PUM2: variants seen among roughly 807,000 people sequenced by gnomAD.
PUM2 encodes the protein pumilio RNA binding family member 2.
In PUM2, 57 loss-of-function variants were observed where a neutral mutation model predicts 124.5. The ratio of observed to expected loss-of-function variants is 0.46; its 90% CI spans 0.37 to 0.57. The LOEUF is 0.57. Among genes scored for constraint, PUM2 ranks in the 20% least tolerant of loss-of-function variants. PUM2 has a pLI of 0.00. For synonymous variants in PUM2, 460 were observed against 446.1 expected, an observed-to-expected ratio of 1.03 and a Z score of -0.39; for missense variants, 1,065 against 1,290.6, an observed-to-expected ratio of 0.83 and a Z score of 2.68.
intron 13 of PUM2, among the ~76,000 whole-genome samples, chr2:20,277,537 TA>T (rs1670536490): frequency 6.6e-6 from 1 of 152,108 alleles, no homozygotes; most frequent in African/African-American, 2.4e-5. Context: ...GTGTGTGCAA[TA>T]ATGTAAATCA....
chr2:20,272,195 A>G (rs202168978), intron 13 of PUM2, among the ~76,000 whole-genome samples: 19 of 126,654 alleles, frequency 1.5e-4, no homozygotes, highest in East Asian at 6.2e-4. Flanking sequence ...ATGAATAAAT[A>G]AATAAATAAA....
intron 2 of PUM2, 23 bp downstream of exon 2, chr2:20,327,287 T>C (rs769766686): frequency 6.1e-6 from 9 of 1,472,778 alleles, no homozygotes; most frequent in African/African-American, 1.4e-5. Flanking sequence ...AGGTGTAAGT[T>C]CTTAGTATTT....
chr2:20,311,420 A>T, intron 5 of PUM2, 74 bp downstream of exon 5: 1 of 1,404,622 alleles, frequency 7.1e-7, no homozygotes, highest in Non-Finnish European at 9.6e-7. Flanking sequence ...AAAATGTCTA[A>T]ATCAGTCACA....
Position 20,268,339 on chromosome 2 carries a change from C to T in PUM2, c.1958-4879G>A, listed in dbSNP as rs368485892. On this transcript the variant is annotated intron_variant, in intron 13 of 20. Transcript: ENST00000361078. Reference sequence around the variant, plus strand: ...AAAATCAAAGTAAGTATGCCCCATGCGGTGGCTCAGGCCTGTAATCCCAGC... The same window carrying T: ...AAAATCAAAGTAAGTATGCCCCATGTGGTGGCTCAGGCCTGTAATCCCAGC... Among the ~76,000 whole-genome samples the T allele has an allele frequency of 4.9e-4, 75 of 152,212 alleles. No homozygotes were observed. The South Asian group carries it at 1.0e-2, about 20-fold the overall frequency.
At position 20,250,593 on chromosome 2, in the gene PUM2, AAG is replaced by A. The variant is rs1230370003; in HGVS notation, c.*990_*991del. ...AATGCATATATTTATAGAAAGCAAA[AAG>A]AGCTATCTGAATATGTAATCATGCT... On this transcript the variant is annotated 3_prime_UTR_variant, in exon 21 of 21. Transcript: ENST00000361078. The A allele has an allele frequency of 6.6e-6, 1 of 152,196 alleles. No individual in the cohort carries two copies. Among genetic ancestry groups the A allele is most frequent in the Admixed American group, 6.5e-5 (1 of 15,286 alleles). 9.4% of individuals were successfully genotyped at this position (152,196 alleles called of 1,614,324 possible).
intron 15 of PUM2, among the ~76,000 whole-genome samples, chr2:20,259,283 G>A (rs1665604462): frequency 6.6e-6 from 1 of 151,962 alleles, no homozygotes; most frequent in East Asian, 1.9e-4. Flanking sequence ...AATTTTTTTT[G>A]TGACAAACTG....
chr2:20,265,992 A>G lies in PUM2; in HGVS notation c.1958-2532T>C, dbSNP rs565809585. 3.3e-5 allele frequency among the ~76,000 whole-genome samples: 5 copies of G among 152,320 alleles called. No individual in the cohort carries two copies. In the East Asian group the frequency reaches 7.7e-4, roughly 23 times the overall value. On this transcript the variant is annotated intron_variant, in intron 13 of 20. Coordinates refer to ENST00000361078, the MANE Select transcript of PUM2 (RefSeq NM_015317.5). The stretch of plus-strand genomic sequence containing the variant: ...CCAATAAGCAACAGGAATTTCTCCC[A>G]TATCTAGGTATTCTTTTATTGATAT...
intron 13 of PUM2, among the ~76,000 whole-genome samples, chr2:20,265,077 A>G (rs953600779): frequency 1.3e-5 from 2 of 151,696 alleles, no homozygotes; most frequent in African/African-American, 4.8e-5. Flanking sequence ...GTGAAATCCC[A>G]CCTCTACTAA....
intron 2 of PUM2, among the ~76,000 whole-genome samples, chr2:20,325,517 T>C (rs1300296621): frequency 6.6e-6 from 1 of 152,138 alleles, no homozygotes; most frequent in Non-Finnish European, 1.5e-5. Context: ...TATTAAATAT[T>C]ATTTAGAAAG....
intron 2 of PUM2, among the ~76,000 whole-genome samples, chr2:20,320,194 G>A (rs1487167293): frequency 1.3e-5 from 2 of 152,090 alleles, no homozygotes; most frequent in Non-Finnish European, 2.9e-5. Context: ...GAACCCAGGA[G>A]GTGGAGGTTG....
At chr2:20,336,085 CT>C (rs959813478) in intron 1 of PUM2, among the ~76,000 whole-genome samples, 1 of 152,202 alleles carries the variant, frequency 6.6e-6, no homozygotes, top group Admixed American at 6.5e-5. Flanking sequence ...GGTTTTGATG[CT>C]TTAGGTATTG....
intron 3 of PUM2, among the ~76,000 whole-genome samples, chr2:20,315,693 G>A (rs1680718792): frequency 6.6e-6 from 1 of 151,892 alleles, no homozygotes; most frequent in South Asian, 2.1e-4. Context: ...GGGCATAGTG[G>A]CGCATACTTT....
chr2:20,318,105 T>C (rs1052206099), intron 3 of PUM2, among the ~76,000 whole-genome samples: 1 of 152,234 alleles, frequency 6.6e-6, no homozygotes, highest in Non-Finnish European at 1.5e-5. Flanking sequence ...CTCTGAGGAA[T>C]TGACACAATG....
At chr2:20,324,049 G>C (rs1439999347) in intron 2 of PUM2, among the ~76,000 whole-genome samples, 1 of 151,796 alleles carries the variant, frequency 6.6e-6, no homozygotes, top group Non-Finnish European at 1.5e-5. Context: ...TTAAGATAGA[G>C]ATTATCTAGA....
chr2:20,302,830 A>G (rs1455434205), intron 7 of PUM2, among the ~76,000 whole-genome samples: 2 of 152,248 alleles, frequency 1.3e-5, no homozygotes, highest in Non-Finnish European at 2.9e-5. Context: ...AGAAATGCAG[A>G]AACTCTCTAA....
Position 20,256,172 on chromosome 2 carries a change from T to C in PUM2, c.2485-2A>G. ...ATCCAGCTCCTTTACCATTTCACTC[T>C]GCAAAAGACAGGATGTCATTTAAAT... On this transcript the variant is annotated splice_acceptor_variant, in intron 16 of 20. Coordinates refer to ENST00000361078, the MANE Select transcript of PUM2 (RefSeq NM_015317.5). LOFTEE classifies it high-confidence loss of function. 1.3e-6 allele frequency: 2 copies of C among 1,583,802 alleles called. No homozygotes were observed. Among genetic ancestry groups the C allele is most frequent in the Non-Finnish European group, 1.7e-6 (2 of 1,170,190 alleles).
rs1024341701 is a variant in PUM2, at chr2:20,318,112, A to G, written c.160+425T>C. Reference sequence around the variant, plus strand: ...TTTTACTTCTCTGAGGAATTGACACAATGCTTTCCACAATGGCTGAACTAA... The same window carrying G: ...TTTTACTTCTCTGAGGAATTGACACGATGCTTTCCACAATGGCTGAACTAA... On this transcript the variant is annotated intron_variant, in intron 3 of 20. Coordinates refer to ENST00000361078, the MANE Select transcript of PUM2 (RefSeq NM_015317.5). Among the ~76,000 whole-genome samples, 3 of 152,184 alleles carry G rather than the reference A, an allele frequency of 2.0e-5. No homozygotes were observed. The East Asian group carries it at 5.8e-4, about 29-fold the overall frequency.
chr2:20,342,262 A>G (rs982208036), intron 1 of PUM2, among the ~76,000 whole-genome samples: 1 of 152,224 alleles, frequency 6.6e-6, no homozygotes, highest in African/African-American at 2.4e-5. Context: ...TTAATGCAGT[A>G]TATTTGGAAT....
intron 13 of PUM2, among the ~76,000 whole-genome samples, chr2:20,268,547 G>A (rs1668254513): frequency 6.6e-6 from 1 of 152,170 alleles, no homozygotes. Context: ...GAACCCAGGA[G>A]GCGAAGGTTA....
Sources: gnomAD v4.1 joint callset for allele counts (sites outside exome capture counted in the v4.1 genomes callset) on GRCh38, gnomAD v4.1.1 for gene constraint, MANE v1.5 for transcripts, NCBI Gene and HGNC (gene_info 2026-07-23, HGNC 2026-07-21) for gene names.